ADH6: variants seen among roughly 807,000 people sequenced by gnomAD.
The protein encoded by ADH6 is alcohol dehydrogenase 6 (class V).
Under a neutral mutation model 36.5 loss-of-function variants are expected in ADH6, and 34 were observed. That is an observed-to-expected ratio of 0.93 (90% confidence interval 0.71 to 1.24). The LOEUF is 1.24. Among genes scored for constraint, ADH6 ranks in the 50% most tolerant of loss-of-function variants. ADH6 has a pLI of 0.00. For synonymous variants in ADH6, 161 were observed against 155.5 expected, an observed-to-expected ratio of 1.04 and a Z score of -0.26; for missense variants, 440 against 447.0, an observed-to-expected ratio of 0.98 and a Z score of 0.14.
chr4:99,218,748 G>A (rs947258587), intron 1 of ADH6, among the ~76,000 whole-genome samples: 4 of 152,178 alleles, frequency 2.6e-5, no homozygotes, highest in African/African-American at 4.8e-5. Context: ...TTTCCCCTTC[G>A]GTATCACCTC....
At chr4:99,216,575 G>A (rs1013839640) in intron 1 of ADH6, among the ~76,000 whole-genome samples, 7 of 151,856 alleles carry the variant, frequency 4.6e-5, no homozygotes, top group Non-Finnish European at 1.0e-4. Context: ...GGCCAGGCAC[G>A]GTGGCTCACG....
chr4:99,208,603 T>C, intron 6 of ADH6, 65 bp downstream of exon 6: 3 of 1,502,496 alleles, frequency 2.0e-6, no homozygotes, highest in Admixed American at 4.3e-5. Context: ...GAAAGCTCAT[T>C]CAACTATAAT....
At position 99,204,033 on chromosome 4, in the gene ADH6, T is replaced by G; in HGVS notation, c.*186A>C. On this transcript the variant is annotated 3_prime_UTR_variant, in exon 9 of 9. Transcript: ENST00000394899. The stretch of plus-strand genomic sequence containing the variant: ...GAGGCTGATCCTTGGTGACACTGGG[T>G]TACGTAAGAACAATTTTGATGAAAT... 1 of 618,230 alleles carries G rather than the reference T, an allele frequency of 1.6e-6. No homozygotes were observed. Among genetic ancestry groups the G allele is most frequent in the Non-Finnish European group, 2.6e-6 (1 of 390,494 alleles). The allele number at this position is 618,230 out of a possible 1,614,324, so 38.3% of individuals were successfully genotyped here.
chr4:99,214,218 T>C (rs1230257322), intron 2 of ADH6, among the ~76,000 whole-genome samples: 1 of 152,070 alleles, frequency 6.6e-6, no homozygotes. Context: ...TAGTGAGACC[T>C]CCATCTCTAC....
In ADH6 at chr4:99,204,909, T is replaced by A. The variant is rs1730963909; in HGVS notation, c.1103+16A>T. On this transcript the variant is annotated intron_variant, in intron 8 of 8. Transcript: ENST00000394899. ...GTCTCAAACACACAGACATAAAATT[T>A]ATGTGGGCAGTTTACCATTTTCCAG... 6.3e-7 allele frequency: 1 copy of A among 1,598,648 alleles called. No individual in the cohort carries two copies. The highest frequency in any genetic ancestry group is 1.3e-5 in the African/African-American group (1 of 74,208).
chr4:99,218,100 T>C (rs1384184486), intron 1 of ADH6, among the ~76,000 whole-genome samples: 1 of 152,230 alleles, frequency 6.6e-6, no homozygotes, highest in African/African-American at 2.4e-5. Context: ...CCCTAAGTTA[T>C]AGGCTAATGT....
rs1730917175 is a variant in ADH6 at position 99,203,250 on chromosome 4, G to A, written c.*969C>T. 1.3e-5 allele frequency: 2 copies of A among 153,042 alleles called. No homozygotes were observed. Among genetic ancestry groups the A allele is most frequent in the South Asian group, 4.1e-4 (2 of 4,834 alleles). 9.5% of individuals were successfully genotyped at this position (153,042 alleles called of 1,614,324 possible). On this transcript the variant is annotated 3_prime_UTR_variant, in exon 9 of 9. Coordinates refer to ENST00000394899, the MANE Select transcript of ADH6 (RefSeq NM_001102470.2). ...GGAACTCTTGTGTGTATGAGGGTTG[G>A]TAATAGGCTCTTTTTGTATCAAGAG...
chr4:99,207,695 C>G, intron 6 of ADH6, 114 bp from the exon 7 acceptor site: 1 of 1,086,784 alleles, frequency 9.2e-7, no homozygotes, highest in Admixed American at 2.6e-5. Context: ...TTTTCTGATT[C>G]TCCCTATTCT....
chr4:99,207,449 C>G lies in ADH6; in HGVS notation c.961G>C (p.Gly321Arg). 6.2e-7 allele frequency: 1 copy of G among 1,613,224 alleles called. No homozygotes were observed. Among genetic ancestry groups the G allele is most frequent in the Non-Finnish European group, 8.5e-7 (1 of 1,179,420 alleles). ...CCTTTCCCTGCTTCATCCATACCTC[C>G]AAAAACAGAACCCTTCAAAGAACGT... ...SGRSLKGSVF[G>R]GWKSRQHIPK... The change falls in exon 7 of 9, where the codon GGA becomes CGA. Residue 321 changes from glycine (G) to arginine (R), a missense_variant. Gly to Arg is a moderately radical substitution (Grantham distance 125). Transcript: ENST00000394899.
chr4:99,206,123 A>G (rs1383087756), intron 7 of ADH6, among the ~76,000 whole-genome samples: 1 of 152,088 alleles, frequency 6.6e-6, no homozygotes, highest in Admixed American at 6.6e-5. Context: ...ACCAAATGAC[A>G]TAGGAAAGAA....
intron 5 of ADH6, 65 bp from the exon 6 acceptor site, chr4:99,208,993 T>G (rs1034160020): frequency 5.9e-6 from 9 of 1,520,386 alleles, no homozygotes; most frequent in Non-Finnish European, 7.1e-6. Flanking sequence ...CTTTACTCAG[T>G]TGGGAAGGCT....
intron 5 of ADH6, 147 bp from the exon 6 acceptor site, chr4:99,209,075 C>A (rs1193190750): frequency 5.6e-6 from 5 of 888,298 alleles, no homozygotes; most frequent in Non-Finnish European, 8.0e-6. Flanking sequence ...ATTATAACTA[C>A]AAAGTTTTGA....
intron 6 of ADH6, among the ~76,000 whole-genome samples, chr4:99,208,091 T>C (rs1731100277): frequency 6.6e-6 from 1 of 152,124 alleles, no homozygotes; most frequent in South Asian, 2.1e-4. Context: ...CATGAAAAGA[T>C]TTTTTATGCT....
At chr4:99,204,539 C>G (rs1177686570) in intron 8 of ADH6, 3 of 1,233,014 alleles carry the variant, frequency 2.4e-6, no homozygotes, top group African/African-American at 3.1e-5. Context: ...ATGAATAATT[C>G]CTCTTCTCCC....
In ADH6 at chr4:99,219,120, T is replaced by C. The variant is rs1731552032; in HGVS notation, c.18+15A>G. 6.2e-7 allele frequency: 1 copy of C among 1,609,638 alleles called. No homozygotes were observed. Reference sequence around the variant, plus strand: ...CAAAGATATGACACAACATAAAGAATAAGACTGCACCTACTTGGCCTGTAG... The same window carrying C: ...CAAAGATATGACACAACATAAAGAACAAGACTGCACCTACTTGGCCTGTAG... On this transcript the variant is annotated intron_variant, in intron 1 of 8. Coordinates refer to ENST00000394899, the MANE Select transcript of ADH6 (RefSeq NM_001102470.2).
At chr4:99,217,332 G>T (rs576746983) in intron 1 of ADH6, among the ~76,000 whole-genome samples, 3 of 152,124 alleles carry the variant, frequency 2.0e-5, no homozygotes, top group African/African-American at 7.2e-5. Context: ...CACCACGCCC[G>T]GCCATGTTTG....
intron 8 of ADH6, 75 bp downstream of exon 8, chr4:99,204,850 C>G: frequency 6.6e-7 from 1 of 1,505,708 alleles, no homozygotes; most frequent in Non-Finnish European, 8.8e-7. Context: ...GACGACCCTT[C>G]TTCTACTCCC....
chr4:99,210,351 G>C (rs28720154), intron 4 of ADH6, 53 bp from the exon 5 acceptor site: 1 of 1,598,580 alleles, frequency 6.3e-7, no homozygotes, highest in African/African-American at 1.3e-5. Flanking sequence ...GAATTAGAAA[G>C]CTTAGATCTT....
chr4:99,206,204 A>G (rs1017503527), intron 7 of ADH6, among the ~76,000 whole-genome samples: 2 of 152,054 alleles, frequency 1.3e-5, no homozygotes, highest in Non-Finnish European at 1.5e-5. Context: ...TGGGTGGGGA[A>G]CATTCTTTCT....
Sources: allele counts gnomAD v4.1 joint callset (sites outside exome capture counted in the v4.1 genomes callset), GRCh38; gene constraint gnomAD v4.1.1; transcripts MANE v1.5; gene names NCBI Gene and HGNC (gene_info 2026-07-23, HGNC 2026-07-21).